Variants in LTBP3 observed in about 807,000 individuals in gnomAD.
LTBP3 encodes the protein latent transforming growth factor beta binding protein 3.
LTBP3 carries 97 observed loss-of-function variants against 159.7 expected under a neutral mutation model. That is an observed-to-expected ratio of 0.61 (90% CI 0.52 to 0.72). The LOEUF is 0.72. Among genes scored for constraint, LTBP3 ranks in the 30% least tolerant of loss-of-function variants. LTBP3 has a pLI of 0.00. For synonymous variants in LTBP3, 824 were observed against 777.1 expected, an observed-to-expected ratio of 1.06 and a Z score of -1.00; for missense variants, 1,584 against 1,864.3, an observed-to-expected ratio of 0.85 and a Z score of 2.77.
intron 17 of LTBP3, 21 bp downstream of exon 17, chr11:65,543,406 C>G (rs767263274): frequency 1.9e-6 from 3 of 1,613,728 alleles, no homozygotes; most frequent in Non-Finnish European, 2.5e-6. Flanking sequence ...AGGTCAGCAC[C>G]CCAGCTCTAA....
chr11:65,555,413 G>T (rs1217148448), intron 1 of LTBP3, among the ~76,000 whole-genome samples: 2 of 151,516 alleles, frequency 1.3e-5, no homozygotes, highest in African/African-American at 2.4e-5. Flanking sequence ...AGGGCCCCAG[G>T]TCCCCCCCCT....
At chr11:65,556,579 G>A (rs1039773183) in intron 1 of LTBP3, among the ~76,000 whole-genome samples, 7 of 152,134 alleles carry the variant, frequency 4.6e-5, no homozygotes, top group African/African-American at 1.7e-4. Flanking sequence ...AGCGACTAGA[G>A]ACACACACCC....
At chr11:65,539,929 C>T in intron 24 of LTBP3, 48 bp from the exon 25 acceptor site, 1 of 1,476,324 alleles carries the variant, frequency 6.8e-7, no homozygotes, top group East Asian at 2.7e-5. Context: ...GCAGGAACCG[C>T]CCGCCTCCGC....
intron 20 of LTBP3, 47 bp downstream of exon 20, chr11:65,541,079 A>G (rs1275027118): frequency 6.3e-7 from 1 of 1,596,160 alleles, no homozygotes; most frequent in Non-Finnish European, 8.5e-7. Context: ...TTTGGCTTCC[A>G]GATGAAGAAA....
Position 65,539,201 on chromosome 11 carries a change from C to T in LTBP3, c.3791G>A (p.Arg1264His), listed in dbSNP as rs1443294508. ...DIDECRELNQ[R>H]GLLCKSERCV... ...GCGCTCGCTCTTGCACAGCAGCCCG[C>T]GCTGGTTCAGCTCTCGGCACTCGTC... Residue 1264 changes from arginine to histidine, a missense_variant, in exon 28 of 28, where the codon CGC becomes CAC. Physicochemically the swap from Arg to His is conservative, Grantham distance 29 (BLOSUM62 0). Around this residue, in one of 6 missense-constraint regions of LTBP3, gnomAD observed 514 missense variants for 530.3 expected, o/e 0.97. Coordinates refer to ENST00000301873, the MANE Select transcript of LTBP3 (RefSeq NM_001130144.3). 2 of 1,525,474 alleles carry T rather than the reference C, an allele frequency of 1.3e-6. No individual in the cohort carries two copies. Among genetic ancestry groups the T allele is most frequent in the Non-Finnish European group, 1.8e-6 (2 of 1,132,784 alleles). The allele number at this position is 1,525,474 out of a possible 1,614,324, so 94.5% of individuals were successfully genotyped here. A position where few individuals can be genotyped will look rare whatever the true frequency, so the allele number is the denominator to read the frequency against.
chr11:65,547,584 G>A lies in LTBP3; in HGVS notation c.1979-17C>T. The A allele has an allele frequency of 6.2e-7, 1 of 1,613,176 alleles. No homozygotes were observed. Among genetic ancestry groups the A allele is most frequent in the South Asian group, 1.1e-5 (1 of 91,068 alleles). ...CGTTCAGGTCTGTGCGGGAGGAAGG[G>A]GCCACGAAGGGGGTGTAGGAGGCGG... On this transcript the variant is annotated splice_polypyrimidine_tract_variant and intron_variant, in intron 13 of 27. Coordinates refer to ENST00000301873, the MANE Select transcript of LTBP3 (RefSeq NM_001130144.3). This position sits in a 1 kb window ranked among gnomAD's most constrained non-coding sequence, Gnocchi z 4.6.
In LTBP3 at chr11:65,558,284, C is replaced by A; in HGVS notation, c.-325G>T. 1.1e-6 allele frequency: 1 copy of A among 903,680 alleles called. No homozygotes were observed. Among genetic ancestry groups the A allele is most frequent in the Non-Finnish European group, 1.4e-6 (1 of 740,076 alleles). 56.0% of individuals were successfully genotyped at this position (903,680 alleles called of 1,614,324 possible). A position where few individuals can be genotyped will look rare whatever the true frequency, so the allele number is the denominator to read the frequency against. Reference sequence around the variant, plus strand: ...AAGGCCGGGCGGCCGGCCCGCTCCGCGCCTCCCCCTGGCCGGGCTCCTCTC... The same window carrying A: ...AAGGCCGGGCGGCCGGCCCGCTCCGAGCCTCCCCCTGGCCGGGCTCCTCTC... On this transcript the variant is annotated 5_prime_UTR_variant, in exon 1 of 28. Coordinates refer to ENST00000301873, the MANE Select transcript of LTBP3 (RefSeq NM_001130144.3).
rs149115544 is a variant in LTBP3 at position 65,539,637 on chromosome 11, A to G, written c.3548-9T>C. The G allele has an allele frequency of 1.9e-3, 3,037 of 1,608,204 alleles. 102 individuals are homozygous for G. The East Asian group carries it at 0.052, about 28-fold the overall frequency. On this transcript the variant is annotated splice_polypyrimidine_tract_variant and intron_variant, in intron 25 of 27. Coordinates refer to ENST00000301873, the MANE Select transcript of LTBP3 (RefSeq NM_001130144.3). Reference sequence around the variant, plus strand: ...TGTCGGGCAATGGGACCCTGGGAGGAGCAGAACTGGTCAGCGACGTCCGGG... The same window carrying G: ...TGTCGGGCAATGGGACCCTGGGAGGGGCAGAACTGGTCAGCGACGTCCGGG...
Position 65,539,895 on chromosome 11 carries a change from C to T in LTBP3, c.3386-14G>A. ...CCGGGGCACGCTCTGCGGAAGACAC[C>T]TGGCATCAGGGGAGGGGCCCAAGGC... On this transcript the variant is annotated splice_polypyrimidine_tract_variant and intron_variant, in intron 24 of 27. Coordinates refer to ENST00000301873, the MANE Select transcript of LTBP3 (RefSeq NM_001130144.3). 6.6e-7 allele frequency: 1 copy of T among 1,507,422 alleles called. No homozygotes were observed. The highest frequency in any genetic ancestry group is 8.8e-7 in the Non-Finnish European group (1 of 1,135,074). The allele number at this position is 1,507,422 out of a possible 1,614,324, so 93.4% of individuals were successfully genotyped here.
Position 65,558,193 on chromosome 11 carries a change from C to T in LTBP3, c.-234G>A. 9.4e-7 allele frequency: 1 copy of T among 1,062,698 alleles called. No homozygotes were observed. The highest frequency in any genetic ancestry group is 1.1e-6 in the Non-Finnish European group (1 of 878,488). The allele number at this position is 1,062,698 out of a possible 1,614,324, so 65.8% of individuals were successfully genotyped here. A position where few individuals can be genotyped will look rare whatever the true frequency, so the allele number is the denominator to read the frequency against. ...CCCCAGGACGAAGCCCAGACCAGGC[C>T]CCGAACTCAGGCAGGAGCGAGGAGG... On this transcript the variant is annotated 5_prime_UTR_variant, in exon 1 of 28. Transcript: ENST00000301873.
intron 9 of LTBP3, 27 bp from the exon 10 acceptor site, chr11:65,551,501 C>A (rs531178290): frequency 6.2e-7 from 1 of 1,614,118 alleles, no homozygotes; most frequent in Non-Finnish European, 8.5e-7. Flanking sequence ...CATGAGCCCT[C>A]CTGTCCCTCG....
rs1160236501 is a variant in LTBP3, at chr11:65,538,727, A to G, written c.*353T>C. 4.7e-6 allele frequency: 5 copies of G among 1,068,184 alleles called. No homozygotes were observed. The highest frequency in any genetic ancestry group is 5.8e-5 in the Admixed American group (2 of 34,524). The allele number at this position is 1,068,184 out of a possible 1,614,324, so 66.2% of individuals were successfully genotyped here. A position where few individuals can be genotyped will look rare whatever the true frequency, so the allele number is the denominator to read the frequency against. ...ACACCCCTTGTGCCGGGCTCAGTCTAGCCCCTGGGAGGCGGCTGGGGTCTG... is the reference window on the plus strand; with the variant it reads ...ACACCCCTTGTGCCGGGCTCAGTCTGGCCCCTGGGAGGCGGCTGGGGTCTG... On this transcript the variant is annotated 3_prime_UTR_variant, in exon 28 of 28. Transcript: ENST00000301873.
At position 65,553,554 on chromosome 11, in the gene LTBP3, G is replaced by A. The variant is rs1346782674; in HGVS notation, c.865-24C>T. ...CACTAGGGGAAGGAGGGGGAGGTGGGGTCACAGAGCACCCCGCCCCGGTGC... is the reference window on the plus strand; with the variant it reads ...CACTAGGGGAAGGAGGGGGAGGTGGAGTCACAGAGCACCCCGCCCCGGTGC... On this transcript the variant is annotated intron_variant, in intron 3 of 27. Transcript: ENST00000301873. The surrounding 1 kb of genome is among the most constrained non-coding windows in gnomAD (Gnocchi z 6.5). 2 of 1,520,098 alleles carry A rather than the reference G, an allele frequency of 1.3e-6. No individual in the cohort carries two copies. The highest frequency in any genetic ancestry group is 9.1e-7 in the Non-Finnish European group (1 of 1,098,662). 94.2% of individuals were successfully genotyped at this position (1,520,098 alleles called of 1,614,324 possible).
rs1855909525 is a variant in LTBP3, at chr11:65,539,046, A to ACCGAGGTCTGGG, written c.*22_*33dup. 3 of 1,347,508 alleles carry ACCGAGGTCTGGG rather than the reference A, an allele frequency of 2.2e-6. No homozygotes were observed. The highest frequency in any genetic ancestry group is 3.1e-5 in the African/African-American group (2 of 64,158). 83.5% of individuals were successfully genotyped at this position (1,347,508 alleles called of 1,614,324 possible). The stretch of plus-strand genomic sequence containing the variant: ...AGCTCGCGGAAATCCCTCAGTGATC[A>ACCGAGGTCTGGG]CCGAGGTCTGGGCCGAGGGCGGCGT... On this transcript the variant is annotated 3_prime_UTR_variant, in exon 28 of 28. Transcript: ENST00000301873.
At chr11:65,548,155 G>A (rs1856462529) in intron 11 of LTBP3, 110 bp from the exon 12 acceptor site, 6 of 1,486,480 alleles carry the variant, frequency 4.0e-6, no homozygotes, top group East Asian at 2.3e-5. Context: ...GTTCCTGTAC[G>A]CCCATACTCC....
intron 1 of LTBP3, among the ~76,000 whole-genome samples, chr11:65,556,851 C>T (rs751086753): frequency 4.6e-5 from 7 of 152,196 alleles, no homozygotes; most frequent in South Asian, 2.1e-4. Flanking sequence ...GACACCTCCC[C>T]GAGCCTGGCC....
At chr11:65,543,604 T>G in intron 16 of LTBP3, 55 bp from the exon 17 acceptor site, 1 of 1,611,092 alleles carries the variant, frequency 6.2e-7, no homozygotes, top group South Asian at 1.1e-5. Flanking sequence ...GGGTTTCTAC[T>G]ACTGTTTTCT....
chr11:65,540,648 C>T (rs371758616), intron 21 of LTBP3, 34 bp from the exon 22 acceptor site: 9 of 1,552,594 alleles, frequency 5.8e-6, no homozygotes, highest in Non-Finnish European at 7.9e-6. Flanking sequence ...GCTCCGGTCC[C>T]GCAGCTGCAG....
chr11:65,553,834 C>A lies in LTBP3; in HGVS notation c.731G>T (p.Arg244Leu). The A allele has an allele frequency of 6.4e-7, 1 of 1,562,126 alleles. No homozygotes were observed. The highest frequency in any genetic ancestry group is 1.2e-5 in the South Asian group (1 of 86,576). Residue 244 changes from arginine (R) to leucine (L), a missense_variant, in exon 3 of 28, where the codon CGC becomes CTC. By Grantham distance (102) the Arg-to-Leu change is moderately radical (BLOSUM62 -2). Around this residue, in one of 6 missense-constraint regions of LTBP3, gnomAD observed 194 missense variants for 198.7 expected, o/e 0.98. Coordinates refer to ENST00000301873, the MANE Select transcript of LTBP3 (RefSeq NM_001130144.3). The surrounding 1 kb of genome is among the most constrained non-coding windows in gnomAD (Gnocchi z 6.5). ...HPPEASVQVH[R>L]IESSNAESAA... ...GCTCTCGGCGTTCGAGCTCTCAATG[C>A]GGTGCACCTGGACTGAGGCCTCGGG...
Sources: allele counts gnomAD v4.1 joint callset (sites outside exome capture counted in the v4.1 genomes callset), GRCh38; gene constraint gnomAD v4.1.1; regional missense constraint gnomAD v4.1.1; non-coding constraint Gnocchi (gnomAD v3.1); transcripts MANE v1.5; gene names NCBI Gene and HGNC (gene_info 2026-07-23, HGNC 2026-07-21).